USP35: variants seen among roughly 807,000 people sequenced by gnomAD.
USP35 encodes ubiquitin specific peptidase 35.
A neutral mutation model predicts 83.8 loss-of-function variants in USP35; 69 were observed. The observed-to-expected ratio is 0.82, with a 90% CI of 0.68 to 1.01. USP35 has a LOEUF of 1.01. Ranked by LOEUF, USP35 falls within the 50% of genes least tolerant of loss-of-function variation. The probability of loss-of-function intolerance (pLI) is 0.00; values close to 1 mark genes in which losing one functional copy is unlikely to be tolerated. For missense variants in USP35, 1,503 were observed against 1,362.5 expected (o/e 1.10, Z -1.62); for synonymous variants, 714 against 589.5 (o/e 1.21, Z -3.06).
At chr11:78,215,769 A>AC (rs35001332), downstream of USP35, 36,559 of 151,976 alleles carry the variant, frequency 0.24, 4,856 homozygotes, top group East Asian at 0.41. Context: ...CAGAAAGACG[A>AC]CCCCCCACGG....
rs562205827 is a variant in USP35 at position 78,200,192 on chromosome 11, C to T, written c.996C>T (p.Tyr332=). 1.8e-5 allele frequency: 29 copies of T among 1,614,214 alleles called. No homozygotes were observed. In the African/African-American group the frequency reaches 2.4e-4, roughly 13 times the overall value. ...VRGAALSVLK[Y]MLLTFQHSHE... ...GAGCTGCCTTGTCTGTGCTCAAGTACATGCTCCTGACCTTCCAGCACTCCC... is the reference window on the plus strand; with the variant it reads ...GAGCTGCCTTGTCTGTGCTCAAGTATATGCTCCTGACCTTCCAGCACTCCC... The change falls in exon 5 of 11, where the codon TAC becomes TAT. Residue 332 remains tyrosine (Y), a synonymous_variant. Transcript: ENST00000529308.
downstream of USP35, chr11:78,217,899 T>C (rs1864229176): frequency 6.6e-6 from 1 of 152,450 alleles, no homozygotes; most frequent in African/African-American, 2.4e-5. Flanking sequence ...ATGCCTGATG[T>C]GGTCCTCTAG....
At chr11:78,213,509 C>T in intron 10 of USP35, 137 bp from the exon 11 acceptor site, 4 of 1,003,850 alleles carry the variant, frequency 4.0e-6, no homozygotes, top group Admixed American at 3.8e-5. Flanking sequence ...GATATCCTGC[C>T]ACTGAGCTGC....
the USP35 span, among the ~76,000 whole-genome samples, chr11:78,234,696 G>C: frequency 6.6e-6 from 1 of 151,138 alleles, no homozygotes; most frequent in African/African-American, 2.4e-5. Context: ...GTGATCTACA[G>C]GTTTTTGTCC....
chr11:78,223,580 G>T, the USP35 span: 2 of 1,613,474 alleles, frequency 1.2e-6, no homozygotes, highest in Non-Finnish European at 1.7e-6. Context: ...TCACCTGCTC[G>T]TTCCATGGCC....
chr11:78,222,255 C>T, the USP35 span: 1 of 1,039,566 alleles, frequency 9.6e-7, no homozygotes, highest in Non-Finnish European at 1.5e-6. Context: ...CACATACACA[C>T]CTTATATATA....
rs1226390596 is a variant in USP35 at position 78,214,200 on chromosome 11, G to GTA, written c.*390_*391dup. On this transcript the variant is annotated 3_prime_UTR_variant, in exon 11 of 11. Transcript: ENST00000529308. Reference sequence around the variant, plus strand: ...CTATTTTCCTTCCGACTGCTGTACGGTATAAAGCACAGCAGGATCCAAGCC... The same window carrying GTA: ...CTATTTTCCTTCCGACTGCTGTACGGTATATAAAGCACAGCAGGATCCAAGCC... The GTA allele has an allele frequency of 1.3e-5, 2 of 154,194 alleles. No individual in the cohort carries two copies. The highest frequency in any genetic ancestry group is 1.3e-4 in the Admixed American group (2 of 14,960). The allele number at this position is 154,194 out of a possible 1,614,324, so 9.6% of individuals were successfully genotyped here. A position where few individuals can be genotyped will look rare whatever the true frequency, so the allele number is the denominator to read the frequency against.
At position 78,196,245 on chromosome 11, in the gene USP35, C is replaced by A; in HGVS notation, c.-1C>A. The A allele has an allele frequency of 6.3e-7, 1 of 1,590,614 alleles. No individual in the cohort carries two copies. Among genetic ancestry groups the A allele is most frequent in the Non-Finnish European group, 8.5e-7 (1 of 1,175,454 alleles). On this transcript the variant is annotated 5_prime_UTR_variant, in exon 2 of 11. Transcript: ENST00000529308. This position sits in a 1 kb window ranked among gnomAD's most constrained non-coding sequence, Gnocchi z 4.8. Reference sequence around the variant, plus strand: ...TCCCTGTCCTCCGCAGCGCGGGCGCCATGGACAAGATCTTGGAGGCGGTGG... The same window carrying A: ...TCCCTGTCCTCCGCAGCGCGGGCGCAATGGACAAGATCTTGGAGGCGGTGG...
downstream of USP35, chr11:78,217,625 T>G (rs890952590): frequency 6.6e-6 from 1 of 152,184 alleles, no homozygotes; most frequent in African/African-American, 2.4e-5. Flanking sequence ...TCTTGAAAAT[T>G]TAGTCAAGAA....
intron 1 of USP35, among the ~76,000 whole-genome samples, chr11:78,190,220 G>A (rs1590891038): frequency 6.6e-6 from 1 of 152,160 alleles, no homozygotes; most frequent in African/African-American, 2.4e-5. Context: ...TGACCTGAAG[G>A]CTAACCAGGA....
Position 78,199,567 on chromosome 11 carries a change from CCTGTGTCA to C in USP35, c.807-23_807-16del. 1.2e-6 allele frequency: 2 copies of C among 1,613,966 alleles called. No individual in the cohort carries two copies. The highest frequency in any genetic ancestry group is 1.3e-5 in the African/African-American group (1 of 75,048). Reference sequence around the variant, plus strand: ...CCCAGCATTTTGGGTGTCCCTTGTCCCTGTGTCACTGTCACTCCCCTCACCAGGATGAT... The same window carrying C: ...CCCAGCATTTTGGGTGTCCCTTGTCCCTGTCACTCCCCTCACCAGGATGAT... On this transcript the variant is annotated intron_variant, in intron 3 of 10. Coordinates refer to ENST00000529308, the MANE Select transcript of USP35 (RefSeq NM_020798.4).
chr11:78,219,120 G>GTTCC (rs1162809415), downstream of USP35: 20 of 695,860 alleles, frequency 2.9e-5, no homozygotes, highest in African/African-American at 3.6e-4. Flanking sequence ...CCAGGGGAAG[G>GTTCC]GTTCAGGGTC....
At chr11:78,219,115 G>A (rs1565413705), downstream of USP35, 2 of 675,762 alleles carry the variant, frequency 3.0e-6, no homozygotes, top group Admixed American at 2.9e-5. Flanking sequence ...ACCTCCCAGG[G>A]GAAGGGTTCA....
At chr11:78,226,533 C>G in the USP35 span, 2 of 1,566,804 alleles carry the variant, frequency 1.3e-6, no homozygotes, top group Non-Finnish European at 1.7e-6. Context: ...AGCGACAGAT[C>G]TGCTATTTTC....
the USP35 span, chr11:78,221,692 C>G: frequency 5.8e-5 from 93 of 1,611,756 alleles, no homozygotes; most frequent in South Asian, 9.0e-4. Flanking sequence ...GGACATAGTT[C>G]TCTTCGCTGT....
At chr11:78,197,800 T>C (rs748132286) in intron 2 of USP35, 136 bp from the exon 3 acceptor site, 1 of 1,278,756 alleles carries the variant, frequency 7.8e-7, no homozygotes, top group Non-Finnish European at 1.0e-6. Context: ...CTTTGCTTGC[T>C]ATAGGAGAGG....
chr11:78,191,402 G>T (rs867250712), intron 1 of USP35, among the ~76,000 whole-genome samples: 28 of 152,250 alleles, frequency 1.8e-4, no homozygotes, highest in African/African-American at 6.8e-4. Context: ...TAGGGCGAGG[G>T]GTATGAGGCA....
the USP35 span, chr11:78,220,478 C>T: frequency 8.5e-6 from 13 of 1,535,414 alleles, no homozygotes; most frequent in African/African-American, 4.1e-5. Flanking sequence ...TGAGTGACTG[C>T]AGAAAACAGA....
intron 1 of USP35, among the ~76,000 whole-genome samples, chr11:78,193,139 C>T (rs1341761007): frequency 6.6e-6 from 1 of 152,154 alleles, no homozygotes; most frequent in Non-Finnish European, 1.5e-5. Context: ...ACTGCCTTGT[C>T]ACGGGCACTG....
Sources: gnomAD v4.1 joint callset for allele counts (sites outside exome capture counted in the v4.1 genomes callset) on GRCh38, gnomAD v4.1.1 for gene constraint, Gnocchi (gnomAD v3.1) non-coding constraint, MANE v1.5 for transcripts, NCBI Gene and HGNC (gene_info 2026-07-23, HGNC 2026-07-21) for gene names.